Variants in ANKRD36C observed in about 807,000 individuals in gnomAD.
ANKRD36C encodes ankyrin repeat domain-containing protein 36C.
In ANKRD36C, 61 loss-of-function variants were observed where a neutral mutation model predicts 276.4. That is an observed-to-expected ratio of 0.22 (90% confidence interval 0.18 to 0.27). ANKRD36C has a LOEUF of 0.27. Among genes scored for constraint, ANKRD36C ranks in the 10% least tolerant of loss-of-function variants. The pLI is 1.00. For synonymous variants in ANKRD36C, 483 were observed against 680.1 expected (o/e 0.71, Z 4.51); for missense variants, 1,447 against 2,032.3 (o/e 0.71, Z 5.54).
intron 10 of ANKRD36C, among the ~76,000 whole-genome samples, chr2:95,959,585 A>G (rs959352208): frequency 3.9e-5 from 6 of 152,128 alleles, no homozygotes; most frequent in Non-Finnish European, 7.4e-5. Context: ...ATATTCATTG[A>G]AAATAACCAC....
intron 60 of ANKRD36C, among the ~76,000 whole-genome samples, chr2:95,863,539 T>C (rs1573725388): frequency 6.6e-6 from 1 of 152,024 alleles, no homozygotes; most frequent in Non-Finnish European, 1.5e-5. Flanking sequence ...AAGAAGAAAA[T>C]TCCCTCATGA....
At chr2:95,980,718 T>C in exon 5 of ANKRD36C, 1 of 1,612,218 alleles carries the variant, frequency 6.2e-7, no homozygotes, top group Non-Finnish European at 8.5e-7. Context: ...AACACATCAA[T>C]ATTGTGCTGC....
At chr2:95,980,256 T>A (rs1017762474) in intron 5 of ANKRD36C, among the ~76,000 whole-genome samples, 1 of 152,100 alleles carries the variant, frequency 6.6e-6, no homozygotes, top group Non-Finnish European at 1.5e-5. Flanking sequence ...CTATAGTAGA[T>A]GGTCCCCAGT....
chr2:95,981,256 A>G (rs1031472161), intron 4 of ANKRD36C, among the ~76,000 whole-genome samples: 12 of 151,166 alleles, frequency 7.9e-5, no homozygotes, highest in Non-Finnish European at 1.5e-4. Context: ...CTAGGCATTT[A>G]ATTAAACATG....
intron 13 of ANKRD36C, among the ~76,000 whole-genome samples, chr2:95,954,858 C>T (rs1678290121): frequency 6.6e-6 from 1 of 152,060 alleles, no homozygotes; most frequent in Admixed American, 6.6e-5. Context: ...ATCTTCCTCC[C>T]TATGGGCTCC....
chr2:95,854,132 C>T (rs1300940239), intron 63 of ANKRD36C, among the ~76,000 whole-genome samples: 2 of 151,214 alleles, frequency 1.3e-5, no homozygotes, highest in Non-Finnish European at 2.9e-5. Flanking sequence ...TGCTTAAAAA[C>T]CTTCTGAAGT....
At chr2:95,885,360 G>GT (rs1448402487) in intron 52 of ANKRD36C, among the ~76,000 whole-genome samples, 3 of 151,892 alleles carry the variant, frequency 2.0e-5, no homozygotes, top group Non-Finnish European at 4.4e-5. Context: ...AACAAAACGT[G>GT]TATCTCTGAT....
chr2:95,937,382 C>A (rs1642878864), intron 22 of ANKRD36C, among the ~76,000 whole-genome samples: 1 of 152,304 alleles, frequency 6.6e-6, no homozygotes, highest in Non-Finnish European at 1.5e-5. Flanking sequence ...AAGGCTAGAT[C>A]CTTACCAGAT....
intron 6 of ANKRD36C, among the ~76,000 whole-genome samples, chr2:95,967,919 T>A (rs1256101219): frequency 6.6e-6 from 1 of 151,892 alleles, no homozygotes; most frequent in Non-Finnish European, 1.5e-5. Context: ...TGAAACCCCA[T>A]CTCAACAAAA....
At chr2:95,945,932 G>T (rs1308074911) in intron 17 of ANKRD36C, among the ~76,000 whole-genome samples, 1 of 152,118 alleles carries the variant, frequency 6.6e-6, no homozygotes, top group Non-Finnish European at 1.5e-5. Flanking sequence ...AAAGAGACAT[G>T]ACCAGTCAAT....
chr2:95,897,241 C>A (rs1676578707), intron 44 of ANKRD36C, 29 bp downstream of exon 60: 1 of 1,425,762 alleles, frequency 7.0e-7, no homozygotes, highest in South Asian at 1.2e-5. Flanking sequence ...CTGGACTGAA[C>A]ATGACATTAA....
At chr2:95,964,466 T>A (rs993800923) in intron 6 of ANKRD36C, among the ~76,000 whole-genome samples, 5 of 152,064 alleles carry the variant, frequency 3.3e-5, no homozygotes, top group African/African-American at 1.2e-4. Context: ...CTTCATTCTT[T>A]GCCCTCCACA....
chr2:95,894,894 C>T (rs1280150987), intron 44 of ANKRD36C, among the ~76,000 whole-genome samples: 3 of 150,862 alleles, frequency 2.0e-5, no homozygotes, highest in African/African-American at 7.3e-5. Context: ...GCAGTAACCC[C>T]AAAATTATAT....
chr2:95,856,467 C>T (rs1675414990), intron 62 of ANKRD36C, among the ~76,000 whole-genome samples: 1 of 152,032 alleles, frequency 6.6e-6, no homozygotes, highest in African/African-American at 2.4e-5. Context: ...TGAATTACAA[C>T]AAATTGCAAG....
intron 3 of ANKRD36C, among the ~76,000 whole-genome samples, chr2:95,983,671 T>C (rs1439996179): frequency 6.6e-6 from 1 of 151,824 alleles, no homozygotes; most frequent in Non-Finnish European, 1.5e-5. Flanking sequence ...AGTGCAGTGG[T>C]GCCATCTCGG....
intron 42 of ANKRD36C, among the ~76,000 whole-genome samples, chr2:95,902,626 C>T (rs894695504): frequency 2.0e-5 from 3 of 150,090 alleles, no homozygotes. Context: ...ATGTTGTTCC[C>T]CAGAGCCCCT....
At chr2:95,889,530 T>A (rs1225242560) in intron 48 of ANKRD36C, among the ~76,000 whole-genome samples, 1 of 151,572 alleles carries the variant, frequency 6.6e-6, no homozygotes. Context: ...AGCAAAATGA[T>A]GCTGTCCCCT....
At chr2:95,923,893 A>G (rs1232927968) in intron 30 of ANKRD36C, among the ~76,000 whole-genome samples, 1 of 151,686 alleles carries the variant, frequency 6.6e-6, no homozygotes, top group Non-Finnish European at 1.5e-5. Flanking sequence ...TACAATGTCA[A>G]TCATGGTATG....
chr2:95,871,163 C>A (rs988476705), intron 59 of ANKRD36C, among the ~76,000 whole-genome samples: 1 of 152,048 alleles, frequency 6.6e-6, no homozygotes, highest in South Asian at 2.1e-4. Context: ...GAAATACAGA[C>A]AACGCCACAA....
Sources: gnomAD v4.1 joint callset for allele counts (sites outside exome capture counted in the v4.1 genomes callset) on GRCh38, gnomAD v4.1.1 for gene constraint, MANE v1.5 for transcripts, NCBI Gene and HGNC (gene_info 2026-07-23, HGNC 2026-07-21) for gene names.